PTPRM: variants seen among roughly 807,000 people sequenced by gnomAD.
PTPRM encodes receptor-type tyrosine-protein phosphatase mu.
PTPRM carries 47 observed loss-of-function variants against 186.7 expected under a neutral mutation model. That is an observed-to-expected ratio of 0.25 (90% confidence interval 0.20 to 0.32). The LOEUF is 0.32. PTPRM is among the 10% of genes least tolerant of loss of function. The pLI, the probability that PTPRM is intolerant of heterozygous loss-of-function variation, is 1.00. For synonymous variants in PTPRM, 668 were observed against 674.9 expected, an observed-to-expected ratio of 0.99 and a Z score of 0.16; for missense variants, 1,494 against 1,865.0, an observed-to-expected ratio of 0.80 and a Z score of 3.66.
chr18:8,263,635 A>G (rs568419715), intron 19 of PTPRM, among the ~76,000 whole-genome samples: 24 of 152,042 alleles, frequency 1.6e-4, no homozygotes, highest in Admixed American at 6.5e-4. Flanking sequence ...CTCCAGAAAA[A>G]CCTAATGATT....
At chr18:7,888,435 A>G in intron 3 of PTPRM, 58 bp downstream of exon 3, 3 of 1,480,050 alleles carry the variant, frequency 2.0e-6, no homozygotes, top group Non-Finnish European at 2.7e-6. Context: ...TAAAAATATA[A>G]ATTATTGTTA....
At chr18:8,239,616 G>T (rs1281558853) in intron 14 of PTPRM, among the ~76,000 whole-genome samples, 6 of 152,204 alleles carry the variant, frequency 3.9e-5, no homozygotes, top group Non-Finnish European at 8.8e-5. Context: ...TTCTGTTCAT[G>T]AAGTTCAGCT....
At chr18:7,750,879 C>T (rs570922999) in intron 1 of PTPRM, 1 of 152,224 alleles carries the variant, frequency 6.6e-6, no homozygotes, top group East Asian at 1.9e-4. Flanking sequence ...GGAAGCAAGT[C>T]CCCCTTGGGG....
At chr18:7,618,752 C>A (rs2037866953) in intron 1 of PTPRM, among the ~76,000 whole-genome samples, 1 of 152,180 alleles carries the variant, frequency 6.6e-6, no homozygotes, top group African/African-American at 2.4e-5. Context: ...CGGTTCCTGG[C>A]TAACCAGCAC....
At chr18:7,896,218 A>C (rs552514520) in intron 3 of PTPRM, among the ~76,000 whole-genome samples, 1 of 152,158 alleles carries the variant, frequency 6.6e-6, no homozygotes, top group South Asian at 2.1e-4. Flanking sequence ...ATTTTTTGCC[A>C]TTTGAAGAAT....
chr18:7,856,021 T>A (rs1314645219), intron 2 of PTPRM, among the ~76,000 whole-genome samples: 1 of 152,178 alleles, frequency 6.6e-6, no homozygotes, highest in Non-Finnish European at 1.5e-5. Context: ...CTCATCAGCT[T>A]GGTTTAATTA....
chr18:7,656,774 T>C (rs1290004500), intron 1 of PTPRM, among the ~76,000 whole-genome samples: 1 of 152,166 alleles, frequency 6.6e-6, no homozygotes, highest in Non-Finnish European at 1.5e-5. Flanking sequence ...GTTTTCCCTA[T>C]TCATGGTGGG....
At chr18:8,207,505 T>A (rs2093947556) in intron 14 of PTPRM, among the ~76,000 whole-genome samples, 2 of 152,184 alleles carry the variant, frequency 1.3e-5, no homozygotes, top group Admixed American at 1.3e-4. Flanking sequence ...GTGCGGTTAG[T>A]CATTAAATCC....
chr18:7,876,647 G>C (rs1445306360), intron 2 of PTPRM, among the ~76,000 whole-genome samples: 2 of 152,172 alleles, frequency 1.3e-5, no homozygotes, highest in Admixed American at 1.3e-4. Flanking sequence ...CAGCAGTCTA[G>C]CCTGGACCTG....
chr18:8,014,828 G>C (rs772321821), intron 7 of PTPRM, among the ~76,000 whole-genome samples: 42 of 152,054 alleles, frequency 2.8e-4, no homozygotes, highest in Non-Finnish European at 5.1e-4. Flanking sequence ...ATTATCCTTT[G>C]TAATAGCTCA....
At chr18:8,340,877 A>C (rs1008287536) in intron 22 of PTPRM, among the ~76,000 whole-genome samples, 5 of 152,216 alleles carry the variant, frequency 3.3e-5, no homozygotes, top group Non-Finnish European at 5.9e-5. Context: ...AATTTAAAAA[A>C]ATCTCCACAG....
At chr18:8,208,324 G>A (rs549285092) in intron 14 of PTPRM, among the ~76,000 whole-genome samples, 2 of 152,178 alleles carry the variant, frequency 1.3e-5, no homozygotes, top group Non-Finnish European at 2.9e-5. Context: ...GCTGTGATAA[G>A]CCAGGCAAGG....
At chr18:8,379,775 A>T (rs1374019838) in intron 28 of PTPRM, among the ~76,000 whole-genome samples, 16 of 152,182 alleles carry the variant, frequency 1.1e-4, no homozygotes, top group Admixed American at 1.0e-3. Context: ...GCAAAGAGTG[A>T]ATGGGTATGT....
chr18:7,828,734 T>C (rs2045614167), intron 2 of PTPRM, among the ~76,000 whole-genome samples: 1 of 152,202 alleles, frequency 6.6e-6, no homozygotes, highest in Non-Finnish European at 1.5e-5. Flanking sequence ...GCAGAAGCAG[T>C]GTACTAGAAG....
chr18:7,695,862 C>T (rs116434062), intron 1 of PTPRM, among the ~76,000 whole-genome samples: 2,844 of 152,252 alleles, frequency 0.019, 81 homozygotes, highest in East Asian at 0.1. Flanking sequence ...TGACATTGTT[C>T]TCATAATCAT....
chr18:8,109,364 A>G (rs143888245), intron 11 of PTPRM, among the ~76,000 whole-genome samples: 32 of 152,358 alleles, frequency 2.1e-4, no homozygotes, highest in African/African-American at 6.7e-4. Context: ...TGAGGTCTGG[A>G]TGCTTGAAAA....
chr18:7,767,789 G>T (rs1391374610), intron 1 of PTPRM, among the ~76,000 whole-genome samples: 1 of 152,094 alleles, frequency 6.6e-6, no homozygotes, highest in East Asian at 1.9e-4. Context: ...CATTTAACTT[G>T]CTTATAGTTT....
intron 14 of PTPRM, among the ~76,000 whole-genome samples, chr18:8,233,409 A>T (rs1253846385): frequency 6.6e-6 from 1 of 152,188 alleles, no homozygotes; most frequent in Admixed American, 6.5e-5. Context: ...CATTTTCCTT[A>T]TAACATATGG....
At chr18:7,972,200 C>T (rs2054569654) in intron 7 of PTPRM, among the ~76,000 whole-genome samples, 1 of 130,298 alleles carries the variant, frequency 7.7e-6, no homozygotes, top group Non-Finnish European at 1.5e-5. Flanking sequence ...TCTCAGTAAA[C>T]TATCGCAAGA....
Sources: allele counts gnomAD v4.1 joint callset (sites outside exome capture counted in the v4.1 genomes callset), GRCh38; gene constraint gnomAD v4.1.1; transcripts MANE v1.5; gene names NCBI Gene and HGNC (gene_info 2026-07-23, HGNC 2026-07-21).